Variants in ADCK1 observed in about 807,000 individuals in gnomAD.
ADCK1 encodes the protein aarF domain containing kinase 1, also known as aarF domain-containing protein kinase 1.
Under a neutral mutation model 52.3 loss-of-function variants are expected in ADCK1, and 41 were observed. The observed-to-expected ratio is 0.78, with a 90% CI of 0.61 to 1.02. The LOEUF is 1.02. Ranked by LOEUF, ADCK1 falls within the 50% of genes least tolerant of loss-of-function variation. The pLI is 0.00. For synonymous variants in ADCK1, 250 were observed against 274.6 expected, an observed-to-expected ratio of 0.91 and a Z score of 0.89; for missense variants, 658 against 679.5, an observed-to-expected ratio of 0.97 and a Z score of 0.35.
intron 7 of ADCK1, among the ~76,000 whole-genome samples, chr14:77,922,757 C>T (rs1461531882): frequency 1.3e-5 from 2 of 152,218 alleles, no homozygotes; most frequent in African/African-American, 4.8e-5. Context: ...ATCAGTTTCA[C>T]ATCTGCAAAT....
At position 77,925,909 on chromosome 14, in the gene ADCK1, C is replaced by G. The variant is rs776632140; in HGVS notation, c.1154C>G (p.Ser385Trp). 5.6e-6 allele frequency: 9 copies of G among 1,614,080 alleles called. No homozygotes were observed. Among genetic ancestry groups the G allele is most frequent in the Non-Finnish European group, 6.8e-6 (8 of 1,180,050 alleles). Residue 385 changes from serine (S) to tryptophan (W), a missense_variant, in exon 9 of 11, where the codon TCG (serine) becomes TGG (tryptophan). Physicochemically the swap from Ser to Trp is radical, Grantham distance 177. Coordinates refer to ENST00000238561, the MANE Select transcript of ADCK1 (RefSeq NM_020421.4). The stretch of plus-strand genomic sequence containing the variant: ...TTTGCCTGCATGCTGACGGCGCGAT[C>G]GTGGGACTCGGTCAACAGAGGCATC... Reference protein sequence around the residue: ...PLFACMLTARSWDSVNRGISQ... With the variant: ...PLFACMLTARWWDSVNRGISQ...
chr14:77,805,640 G>T (rs968579297), intron 1 of ADCK1, among the ~76,000 whole-genome samples: 1 of 152,126 alleles, frequency 6.6e-6, no homozygotes, highest in African/African-American at 2.4e-5. Flanking sequence ...AAGTGCAAAA[G>T]CTCTGGGAGG....
intron 3 of ADCK1, among the ~76,000 whole-genome samples, chr14:77,847,872 G>C (rs1483252016): frequency 1.3e-5 from 2 of 152,138 alleles, no homozygotes; most frequent in African/African-American, 4.8e-5. Context: ...CTCAGAGTTT[G>C]TTTTCTGGCT....
At chr14:77,927,996 C>T (rs1014393467) in intron 9 of ADCK1, among the ~76,000 whole-genome samples, 1 of 152,066 alleles carries the variant, frequency 6.6e-6, no homozygotes, top group African/African-American at 2.4e-5. Context: ...TGAGTGGTGG[C>T]GATCATTTAG....
chr14:77,904,624 C>A (rs17106579), intron 6 of ADCK1, among the ~76,000 whole-genome samples: 4,877 of 152,296 alleles, frequency 0.032, 150 homozygotes, highest in South Asian at 0.12. Context: ...GGGTCTTGGG[C>A]TAAAACTTCT....
rs1050798954 is a variant in ADCK1 at position 77,902,975 on chromosome 14, C to T, written c.741+3717C>T. On this transcript the variant is annotated intron_variant, in intron 6 of 10. Coordinates refer to ENST00000238561, the MANE Select transcript of ADCK1 (RefSeq NM_020421.4). ...CTCAGGATACTCTGCTGCCATTTACCGGCAGGGGTGCCCCTCAGAGCCAGA... is the reference window on the plus strand; with the variant it reads ...CTCAGGATACTCTGCTGCCATTTACTGGCAGGGGTGCCCCTCAGAGCCAGA... 2.0e-5 allele frequency among the ~76,000 whole-genome samples: 3 copies of T among 152,170 alleles called. No individual in the cohort carries two copies. In the East Asian group the frequency reaches 5.8e-4, roughly 29 times the overall value.
At chr14:77,845,735 T>A (rs1370102799) in intron 3 of ADCK1, among the ~76,000 whole-genome samples, 1 of 152,164 alleles carries the variant, frequency 6.6e-6, no homozygotes, top group Non-Finnish European at 1.5e-5. Flanking sequence ...AAAATGTTCC[T>A]TTTTAAATTG....
chr14:77,916,607 A>T (rs2083931026), intron 7 of ADCK1, among the ~76,000 whole-genome samples: 1 of 152,104 alleles, frequency 6.6e-6, no homozygotes, highest in African/African-American at 2.4e-5. Context: ...GGGGCACGCC[A>T]CCGTGCCTAG....
intron 3 of ADCK1, among the ~76,000 whole-genome samples, chr14:77,839,274 T>C (rs2082018963): frequency 6.6e-6 from 1 of 152,136 alleles, no homozygotes; most frequent in African/African-American, 2.4e-5. Context: ...GGGCCGGCCA[T>C]GTGATTACGA....
At position 77,888,912 on chromosome 14, in the gene ADCK1, C is replaced by A. The variant is rs143464074; in HGVS notation, c.582+1663C>A. ...GGTTTGGCTGTGTCCCCACCCAAATCTCATCTTGAATTGTAGCCCCCATAA... is the reference window on the plus strand; with the variant it reads ...GGTTTGGCTGTGTCCCCACCCAAATATCATCTTGAATTGTAGCCCCCATAA... On this transcript the variant is annotated intron_variant, in intron 5 of 10. Transcript: ENST00000238561. 7.2e-5 allele frequency among the ~76,000 whole-genome samples: 11 copies of A among 152,292 alleles called. No individual in the cohort carries two copies. The East Asian group carries it at 2.1e-3, about 29-fold the overall frequency.
chr14:77,839,918 C>CAAAAAAA (rs10581300), intron 3 of ADCK1, among the ~76,000 whole-genome samples: 1 of 69,698 alleles, frequency 1.4e-5, no homozygotes, highest in African/African-American at 6.5e-5. Flanking sequence ...GACCCTGTCT[C>CAAAAAAA]AAAAAAAAAA....
chr14:77,841,322 C>A lies in ADCK1; in HGVS notation c.220-17754C>A, dbSNP rs564177889. Among the ~76,000 whole-genome samples, 3 of 152,264 alleles carry A rather than the reference C, an allele frequency of 2.0e-5. No individual in the cohort carries two copies. The East Asian group carries it at 5.8e-4, about 29-fold the overall frequency. ...AGGTCAACGGAACAACACGGAACCCCATGCTGTATGGACCACTGGCCTGGA... is the reference window on the plus strand; with the variant it reads ...AGGTCAACGGAACAACACGGAACCCAATGCTGTATGGACCACTGGCCTGGA... On this transcript the variant is annotated intron_variant, in intron 3 of 10. Transcript: ENST00000238561.
intron 8 of ADCK1, 139 bp downstream of exon 8, chr14:77,924,745 T>C (rs1257938009): frequency 2.4e-6 from 3 of 1,235,012 alleles, no homozygotes; most frequent in Non-Finnish European, 3.3e-6. Context: ...AGCTGTCATT[T>C]TGTGCAAGTC....
chr14:77,832,060 C>T (rs2081864600), intron 3 of ADCK1, among the ~76,000 whole-genome samples: 1 of 151,970 alleles, frequency 6.6e-6, no homozygotes, highest in East Asian at 1.9e-4. Context: ...TTACTGCAGC[C>T]TCTACCTTCC....
In ADCK1 at chr14:77,879,393, G is replaced by A. The variant is rs369843166; in HGVS notation, c.424-7698G>A. ...GAACCCTGAGAATGTACGCAGGGGAGACCTCTCTGAGGAGGTGATTGTTCA... is the reference window on the plus strand; with the variant it reads ...GAACCCTGAGAATGTACGCAGGGGAAACCTCTCTGAGGAGGTGATTGTTCA... On this transcript the variant is annotated intron_variant, in intron 4 of 10. Coordinates refer to ENST00000238561, the MANE Select transcript of ADCK1 (RefSeq NM_020421.4). Among the ~76,000 whole-genome samples, 43 of 152,322 alleles carry A rather than the reference G, an allele frequency of 2.8e-4. 1 individual carries two copies. The East Asian group carries it at 5.0e-3, about 18-fold the overall frequency.
rs2084385862 is a variant in ADCK1, at chr14:77,933,376, C to A, written c.1557C>A (p.Phe519Leu). ...TCTTGGCCCTAATATGCTGGCTGTTCCCTGCTCCACTCTGAGTGGAATTGC... is the reference window on the plus strand; with the variant it reads ...TCTTGGCCCTAATATGCTGGCTGTTACCTGCTCCACTCTGAGTGGAATTGC... ...DRVLALICWL[F>L]PAPL Residue 519 changes from phenylalanine to leucine, a missense_variant, in exon 11 of 11, where the codon TTC becomes TTA. Phe to Leu is a conservative substitution (Grantham distance 22). Transcript: ENST00000238561. The A allele has an allele frequency of 6.2e-7, 1 of 1,614,018 alleles. No individual in the cohort carries two copies. The highest frequency in any genetic ancestry group is 1.3e-5 in the African/African-American group (1 of 74,998).
chr14:77,914,259 C>T (rs1312116980), intron 7 of ADCK1: 2 of 286,010 alleles, frequency 7.0e-6, no homozygotes, highest in East Asian at 1.7e-4. Flanking sequence ...TCTGTTGTTG[C>T]CTCTCTATTC....
At chr14:77,882,723 G>A (rs1465051860) in intron 4 of ADCK1, among the ~76,000 whole-genome samples, 2 of 151,932 alleles carry the variant, frequency 1.3e-5, no homozygotes, top group Non-Finnish European at 2.9e-5. Flanking sequence ...CCTTATTTTG[G>A]TCTTGGCCAG....
At chr14:77,919,269 G>A (rs1296675178) in intron 7 of ADCK1, among the ~76,000 whole-genome samples, 1 of 152,184 alleles carries the variant, frequency 6.6e-6, no homozygotes, top group Non-Finnish European at 1.5e-5. Flanking sequence ...ATAGTTCATT[G>A]TATCATTCTT....
Sources: gnomAD v4.1 joint callset for allele counts (sites outside exome capture counted in the v4.1 genomes callset) on GRCh38, gnomAD v4.1.1 for gene constraint, MANE v1.5 for transcripts, NCBI Gene and HGNC (gene_info 2026-07-23, HGNC 2026-07-21) for gene names.